The following LRCH1 variants were observed in gnomAD, a reference collection of about 807,000 sequenced individuals.
LRCH1 encodes the protein leucine rich repeats and calponin homology domain containing 1, also known as leucine-rich repeat and calponin homology domain-containing protein 1.
In LRCH1, 23 loss-of-function variants were observed where a neutral mutation model predicts 94.9. The ratio of observed to expected loss-of-function variants is 0.24; its 90% CI spans 0.17 to 0.34. The LOEUF is 0.34. LRCH1 is among the 10% of genes least tolerant of loss of function. The probability of loss-of-function intolerance (pLI) is 1.00; values close to 1 mark genes in which losing one functional copy is unlikely to be tolerated. For synonymous variants in LRCH1, 364 were observed against 354.9 expected, an observed-to-expected ratio of 1.03 and a Z score of -0.29; for missense variants, 790 against 945.9, an observed-to-expected ratio of 0.84 and a Z score of 2.16.
chr13:46,660,799 T>C (rs2051438478), intron 2 of LRCH1, among the ~76,000 whole-genome samples: 1 of 152,216 alleles, frequency 6.6e-6, no homozygotes, highest in African/African-American at 2.4e-5. Flanking sequence ...TCAAATATGT[T>C]CTTTATCCCT....
chr13:46,736,847 A>G (rs1465219873), intron 19 of LRCH1, among the ~76,000 whole-genome samples: 1 of 152,202 alleles, frequency 6.6e-6, no homozygotes, highest in East Asian at 1.9e-4. Context: ...AGATATTGAA[A>G]AGTCACAGCT....
chr13:46,671,856 T>C (rs9645940), intron 3 of LRCH1, among the ~76,000 whole-genome samples: 18,628 of 152,190 alleles, frequency 0.12, 1,247 homozygotes, highest in East Asian at 0.23. Context: ...GCACAATCTC[T>C]CTGTCATCAA....
chr13:46,611,703 A>G (rs1267410514), intron 1 of LRCH1, among the ~76,000 whole-genome samples: 1 of 152,228 alleles, frequency 6.6e-6, no homozygotes, highest in Non-Finnish European at 1.5e-5. Context: ...AAAAAGAATA[A>G]TATACAATAA....
At chr13:46,672,047 C>T (rs2051607578) in intron 3 of LRCH1, among the ~76,000 whole-genome samples, 1 of 152,178 alleles carries the variant, frequency 6.6e-6, no homozygotes, top group African/African-American at 2.4e-5. Context: ...TCTGTGTCAT[C>T]CCTCCCTCCT....
intron 1 of LRCH1, among the ~76,000 whole-genome samples, chr13:46,557,231 G>A (rs1388507524): frequency 1.3e-5 from 2 of 151,852 alleles, no homozygotes; most frequent in Non-Finnish European, 2.9e-5. Flanking sequence ...GTTCAAAAGG[G>A]TATTTTGTAC....
Position 46,741,772 on chromosome 13 carries a change from T to G in LRCH1, c.2216T>G (p.Ile739Arg), listed in dbSNP as rs1370232181. 1 of 1,614,190 alleles carries G rather than the reference T, an allele frequency of 6.2e-7. No individual in the cohort carries two copies. Among genetic ancestry groups the G allele is most frequent in the Admixed American group, 1.7e-5 (1 of 60,026 alleles). ...TCTGCCCTCCGCTCCAGGGACCTTA[T>G]AGGCTTCTGTCTTGTCCATATTCTC... ...PTSALRSRDL[I>R]GFCLVHILFI... Residue 739 changes from isoleucine to arginine, a missense_variant, in exon 20 of 20, where the codon ATA (isoleucine) becomes AGA (arginine). Physicochemically the swap from Ile to Arg is moderately conservative, Grantham distance 97. Transcript: ENST00000389797.
intron 13 of LRCH1, among the ~76,000 whole-genome samples, chr13:46,706,298 T>C (rs1215356169): frequency 6.6e-6 from 1 of 152,218 alleles, no homozygotes. Context: ...ATTGTAAAGA[T>C]CGAATTAGGA....
chr13:46,646,467 G>C (rs1354870071), intron 1 of LRCH1, among the ~76,000 whole-genome samples: 1 of 152,130 alleles, frequency 6.6e-6, no homozygotes, highest in Non-Finnish European at 1.5e-5. Context: ...TTCTTGTGTA[G>C]CTTTCCAGAC....
intron 18 of LRCH1, among the ~76,000 whole-genome samples, chr13:46,731,172 C>T (rs2138233345): frequency 7.5e-6 from 1 of 134,178 alleles, no homozygotes; most frequent in South Asian, 2.3e-4. Context: ...TAATTGTGAG[C>T]TTCTCATATA....
intron 1 of LRCH1, among the ~76,000 whole-genome samples, chr13:46,591,656 C>G (rs957103774): frequency 2.6e-5 from 4 of 152,154 alleles, no homozygotes; most frequent in Admixed American, 2.6e-4. Context: ...AGTTCTTAGA[C>G]CAGGAAGGGG....
chr13:46,719,726 A>G (rs574499393), intron 16 of LRCH1, among the ~76,000 whole-genome samples: 1 of 152,334 alleles, frequency 6.6e-6, no homozygotes, highest in African/African-American at 2.4e-5. Flanking sequence ...TGCTGGGTGC[A>G]GTAGCTCACG....
At chr13:46,644,124 C>T (rs1201353452) in intron 1 of LRCH1, among the ~76,000 whole-genome samples, 2 of 152,142 alleles carry the variant, frequency 1.3e-5, no homozygotes, top group African/African-American at 4.8e-5. Context: ...ACAAAAGTGA[C>T]AGAAGCTTTC....
At chr13:46,645,689 C>T (rs2051212027) in intron 1 of LRCH1, among the ~76,000 whole-genome samples, 1 of 127,450 alleles carries the variant, frequency 7.8e-6, no homozygotes, top group African/African-American at 2.6e-5. Context: ...TAGTCTTCTG[C>T]TCTCAGGTTA....
chr13:46,673,457 A>G (rs771442392), intron 3 of LRCH1, among the ~76,000 whole-genome samples: 34 of 152,348 alleles, frequency 2.2e-4, no homozygotes, highest in Admixed American at 4.6e-4. Context: ...TTAAAATAGT[A>G]GTGTTACTAT....
At chr13:46,669,470 A>T (rs1303635982) in intron 3 of LRCH1, among the ~76,000 whole-genome samples, 1 of 152,244 alleles carries the variant, frequency 6.6e-6, no homozygotes, top group African/African-American at 2.4e-5. Flanking sequence ...GTAAAAAATT[A>T]TGGCTAAACT....
At chr13:46,700,234 C>G (rs1240935747) in intron 10 of LRCH1, among the ~76,000 whole-genome samples, 1 of 152,108 alleles carries the variant, frequency 6.6e-6, no homozygotes, top group Non-Finnish European at 1.5e-5. Context: ...TCCATCATAC[C>G]TTGCAGGGTT....
At chr13:46,570,654 C>T (rs2050231648) in intron 1 of LRCH1, among the ~76,000 whole-genome samples, 1 of 152,162 alleles carries the variant, frequency 6.6e-6, no homozygotes, top group African/African-American at 2.4e-5. Flanking sequence ...AACAAAAGTT[C>T]CTTTTATTCT....
At chr13:46,728,636 A>G (rs1004269262) in intron 17 of LRCH1, among the ~76,000 whole-genome samples, 1 of 152,256 alleles carries the variant, frequency 6.6e-6, no homozygotes, top group African/African-American at 2.4e-5. Flanking sequence ...CTATTAAATA[A>G]AAATTTTACA....
At chr13:46,591,858 A>G (rs577385187) in intron 1 of LRCH1, among the ~76,000 whole-genome samples, 1 of 152,332 alleles carries the variant, frequency 6.6e-6, no homozygotes, top group Non-Finnish European at 1.5e-5. Context: ...AATTCAATTC[A>G]TTGGATCCGA....
Sources: allele counts gnomAD v4.1 joint callset (sites outside exome capture counted in the v4.1 genomes callset), GRCh38; gene constraint gnomAD v4.1.1; transcripts MANE v1.5; gene names NCBI Gene and HGNC (gene_info 2026-07-23, HGNC 2026-07-21).